The following MAGEB16 variants were observed in gnomAD, a reference collection of about 807,000 sequenced individuals.
MAGEB16 encodes the protein MAGE family member B16.
For synonymous variants in MAGEB16, 95 were observed against 92.1 expected (o/e 1.03, Z -0.18); for missense variants, 217 against 234.0 (o/e 0.93, Z 0.47).
chrX:35,803,171 A>G, exon 2 of MAGEB16: 2 of 1,164,086 alleles, frequency 1.7e-6, no homozygotes, highest in Non-Finnish European at 1.1e-6. Context: ...CCAGAATTTG[A>G]GTCAGGGCTG....
In MAGEB16 at chrX:35,799,037, A is replaced by ATT. The variant is rs77411234; in HGVS notation, c.-67+636_-67+637dup. On this transcript the variant is annotated intron_variant, in intron 1 of 1. Coordinates refer to ENST00000399988, the Ensembl canonical transcript of MAGEB16. ...AGGTGCCCGCCACCATGCGCGGCTA[A>ATT]TTTTTTTTTTTTTTTTTTGTATTTT... Among the ~76,000 whole-genome samples, 27 of 92,498 alleles carry ATT rather than the reference A, an allele frequency of 2.9e-4. No homozygotes were observed. The East Asian group carries it at 3.4e-3, about 11-fold the overall frequency. The allele number at this position is 92,498 out of a possible 115,157, so 80.3% of individuals were successfully genotyped here.
In MAGEB16 at chrX:35,799,734, T is replaced by C. The variant is rs144801205; in HGVS notation, c.-67+1316T>C. On this transcript the variant is annotated intron_variant, in intron 1 of 1. Transcript: ENST00000399988. ...GGTGTTCAGTGAGAAGGAGGTCTTATTGTGAGGGAAAACTTAAGTCAGAAG... is the reference window on the plus strand; with the variant it reads ...GGTGTTCAGTGAGAAGGAGGTCTTACTGTGAGGGAAAACTTAAGTCAGAAG... Among the ~76,000 whole-genome samples the C allele has an allele frequency of 4.0e-3, 445 of 111,424 alleles. 5 individuals are homozygous for C. Among genetic ancestry groups the C allele is most frequent in the African/African-American group, 0.014 (424 of 30,664 alleles).
exon 2 of MAGEB16, chrX:35,803,086 T>G (rs1221919808): frequency 8.3e-7 from 1 of 1,209,367 alleles, no homozygotes; most frequent in African/African-American, 1.7e-5. Context: ...GTGGCCAAAG[T>G]TCATGGGTCT....
At position 35,803,334 on chromosome X, in the gene MAGEB16, G is replaced by C. The variant is rs1390949970; in HGVS notation, c.*163G>C. 1.5e-5 allele frequency: 7 copies of C among 461,995 alleles called. No homozygotes were observed. The African/African-American group carries it at 1.7e-4, about 11-fold the overall frequency. 38.1% of individuals were successfully genotyped at this position (461,995 alleles called of 1,213,427 possible). On this transcript the variant is annotated 3_prime_UTR_variant, in exon 2 of 2. Transcript: ENST00000399988. Reference sequence around the variant, plus strand: ...CCAGGGTGGGGCTGGAGGAAAAATAGTATATATCATCTATATCCCTATTTT... The same window carrying C: ...CCAGGGTGGGGCTGGAGGAAAAATACTATATATCATCTATATCCCTATTTT...
At chrX:35,802,535 C>T in exon 2 of MAGEB16, 11 of 1,211,546 alleles carry the variant, frequency 9.1e-6, no homozygotes, top group East Asian at 3.0e-5. Context: ...CAGATGCTCT[C>T]GACCAGAAAG....
chrX:35,803,126 G>A (rs761266189), exon 2 of MAGEB16: 9 of 1,199,279 alleles, frequency 7.5e-6, no homozygotes, highest in South Asian at 3.6e-5. Flanking sequence ...CTCAGTATGC[G>A]GAAGCTCTGA....
intron 1 of MAGEB16, chrX:35,801,457 ACT>A (rs777880860): frequency 1.8e-5 from 2 of 111,792 alleles, no homozygotes; most frequent in Non-Finnish European, 3.8e-5. Flanking sequence ...GATTCTGAAG[ACT>A]CAAGTACTGC....
At chrX:35,800,998 T>G (rs767852182) in intron 1 of MAGEB16, among the ~76,000 whole-genome samples, 1 of 111,184 alleles carries the variant, frequency 9.0e-6, no homozygotes, top group Admixed American at 9.5e-5. Context: ...CACTCCAGGA[T>G]ATATGTCGCC....
At chrX:35,802,038 G>C (rs890211913) in intron 1 of MAGEB16, 93 bp from the exon 2 acceptor site, 16 of 566,503 alleles carry the variant, frequency 2.8e-5, no homozygotes, top group Non-Finnish European at 3.9e-5. Flanking sequence ...TAACACTGCT[G>C]TCAGGAGAAG....
At chrX:35,800,703 C>T (rs1363853672) in intron 1 of MAGEB16, 1 of 465,759 alleles carries the variant, frequency 2.1e-6, no homozygotes, top group East Asian at 3.8e-5. Flanking sequence ...TACTTATTTC[C>T]TGTTCAGTGA....
exon 2 of MAGEB16, chrX:35,802,717 A>G (rs200039396): frequency 9.1e-6 from 11 of 1,208,012 alleles, no homozygotes; most frequent in Non-Finnish European, 1.2e-5. Context: ...GTGGAGGTGG[A>G]CCCCACCACC....
chrX:35,802,378 C>T, exon 2 of MAGEB16: 1 of 1,208,231 alleles, frequency 8.3e-7, no homozygotes, highest in East Asian at 3.0e-5. Flanking sequence ...GCAGAGAGTC[C>T]TCTTGAGGTT....
chrX:35,802,478 T>C lies in MAGEB16; in HGVS notation c.282T>C (p.Asp94=), dbSNP rs899497883. 5.8e-6 allele frequency: 7 copies of C among 1,210,322 alleles called. No individual in the cohort carries two copies. The Admixed American group carries it at 1.3e-4, about 23-fold the overall frequency. ...CTTCCAGCAATCAAGAAGAGGAAGA[T>C]AGTCCAAGCTCCTCAGAGGATACAT... is the stretch of plus-strand genomic sequence containing the variant. Residue 94 remains aspartate, a synonymous_variant, in exon 2 of 2, where the codon GAT becomes GAC. Transcript: ENST00000399988.
intron 1 of MAGEB16, chrX:35,801,209 G>A (rs1934859694): frequency 8.9e-6 from 1 of 112,401 alleles, no homozygotes; most frequent in Non-Finnish European, 1.9e-5. Context: ...AGAGGAAAAA[G>A]GACACAGGAC....
exon 2 of MAGEB16, chrX:35,803,335 T>A: frequency 2.2e-6 from 1 of 462,084 alleles, no homozygotes; most frequent in Non-Finnish European, 3.5e-6. Context: ...GGAAAAATAG[T>A]ATATATCATC....
intron 1 of MAGEB16, among the ~76,000 whole-genome samples, chrX:35,799,031 C>T (rs905633910): frequency 1.5e-4 from 16 of 103,625 alleles, no homozygotes; most frequent in African/African-American, 5.7e-4. Flanking sequence ...CCACCATGCG[C>T]GGCTAATTTT....
At chrX:35,798,553 A>C (rs1374292777) in intron 1 of MAGEB16, 135 bp downstream of exon 1, 1 of 111,552 alleles carries the variant, frequency 9.0e-6, no homozygotes, top group Non-Finnish European at 1.9e-5. Context: ...AATCTGATTA[A>C]GGTGAAGTCC....
intron 1 of MAGEB16, among the ~76,000 whole-genome samples, chrX:35,799,437 T>G (rs980465642): frequency 1.8e-5 from 2 of 111,380 alleles, no homozygotes; most frequent in Non-Finnish European, 3.8e-5. Context: ...CAGAGAAGGA[T>G]CCAAGGAGCT....
At position 35,802,470 on chromosome X, in the gene MAGEB16, G is replaced by A. The variant is rs373865842; in HGVS notation, c.274G>A (p.Glu92Lys). The A allele has an allele frequency of 1.5e-4, 184 of 1,208,644 alleles. No individual in the cohort carries two copies. The highest frequency in any genetic ancestry group is 2.0e-4 in the Non-Finnish European group (178 of 894,543). Residue 92 changes from glutamate to lysine, a missense_variant, in exon 2 of 2, where the codon GAG becomes AAG. Physicochemically the swap from Glu to Lys is moderately conservative, Grantham distance 56. Transcript: ENST00000399988. ...TGATGAGGCTTCCAGCAATCAAGAA[G>A]AGGAAGATAGTCCAAGCTCCTCAGA...
Sources: allele counts gnomAD v4.1 joint callset (sites outside exome capture counted in the v4.1 genomes callset), GRCh38; gene constraint gnomAD v4.1.1; transcripts MANE v1.5; gene names NCBI Gene and HGNC (gene_info 2026-07-23, HGNC 2026-07-21).